The following GSTO1 variants were observed in gnomAD, a reference collection of about 807,000 sequenced individuals.
GSTO1 encodes the protein glutathione S-transferase omega-1.
GSTO1 carries 27 observed loss-of-function variants against 23.8 expected under a neutral mutation model. The ratio of observed to expected loss-of-function variants is 1.13; its 90% CI spans 0.83 to 1.56. The LOEUF (loss-of-function observed/expected upper bound fraction) is 1.56. Ranked by LOEUF, GSTO1 falls within the 40% of genes most tolerant of loss-of-function variation. GSTO1 has a pLI of 0.00. For missense variants in GSTO1, 255 were observed against 285.8 expected, an observed-to-expected ratio of 0.89 and a Z score of 0.78; for synonymous variants, 105 against 109.3, an observed-to-expected ratio of 0.96 and a Z score of 0.25.
At chr10:104,256,604 C>G (rs190478350) in intron 2 of GSTO1, among the ~76,000 whole-genome samples, 25 of 152,272 alleles carry the variant, frequency 1.6e-4, no homozygotes, top group Non-Finnish European at 1.5e-4. Flanking sequence ...CAGTTTTAAG[C>G]TTGAGCCCGA....
intron 5 of GSTO1, 62 bp downstream of exon 5, chr10:104,266,252 CT>C: frequency 1.1e-6 from 1 of 874,302 alleles, no homozygotes; most frequent in Non-Finnish European, 1.9e-6. Flanking sequence ...ATATATTGAC[CT>C]TTCTTTATAA....
At chr10:104,259,496 G>A in intron 2 of GSTO1, 80 bp from the exon 3 acceptor site, 1 of 849,300 alleles carries the variant, frequency 1.2e-6, no homozygotes. Context: ...TCAGCTAAGT[G>A]GATGGCAAAG....
chr10:104,261,423 C>T (rs1048775271), intron 3 of GSTO1, among the ~76,000 whole-genome samples: 4 of 152,150 alleles, frequency 2.6e-5, no homozygotes, highest in Non-Finnish European at 4.4e-5. Flanking sequence ...TACCCCACCC[C>T]ACACACCTGG....
chr10:104,257,399 G>C (rs905471215), intron 2 of GSTO1, among the ~76,000 whole-genome samples: 28 of 150,536 alleles, frequency 1.9e-4, no homozygotes, highest in Non-Finnish European at 4.4e-5. Flanking sequence ...GGAATGCAGT[G>C]GTGCAATCAT....
Position 104,255,247 on chromosome 10 carries a change from T to C in GSTO1, c.119T>C (p.Leu40Pro). 4 of 1,611,952 alleles carry C rather than the reference T, an allele frequency of 2.5e-6. No individual in the cohort carries two copies. Among genetic ancestry groups the C allele is most frequent in the Non-Finnish European group, 3.4e-6 (4 of 1,178,062 alleles). ...TGCCCGTTTGCTGAGAGGACGCGTCTAGTCCTGAAGGCCAAGGGAATCAGG... is the reference window on the plus strand; with the variant it reads ...TGCCCGTTTGCTGAGAGGACGCGTCCAGTCCTGAAGGCCAAGGGAATCAGG... Reference protein sequence around the residue: ...RFCPFAERTRLVLKAKGIRHE... With the variant: ...RFCPFAERTRPVLKAKGIRHE... The change falls in exon 2 of 6, where the codon CTA (leucine) becomes CCA (proline). Residue 40 changes from leucine (L) to proline (P), a missense_variant. Leu to Pro is a moderately conservative substitution (Grantham distance 98). Coordinates refer to ENST00000369713, the MANE Select transcript of GSTO1 (RefSeq NM_004832.3).
intron 2 of GSTO1, 123 bp downstream of exon 2, chr10:104,255,394 A>T (rs2091598359): frequency 1.1e-5 from 7 of 644,636 alleles, no homozygotes; most frequent in Non-Finnish European, 2.0e-5. Flanking sequence ...TGCACATTAA[A>T]CTATTCTCGG....
At chr10:104,265,919 G>A (rs1012252595) in intron 4 of GSTO1, among the ~76,000 whole-genome samples, 165 bp from the exon 5 acceptor site, 4 of 152,192 alleles carry the variant, frequency 2.6e-5, no homozygotes, top group South Asian at 4.1e-4. Context: ...CAGACCAACA[G>A]ATTCTAAAGC....
At position 104,255,177 on chromosome 10, in the gene GSTO1, GGGCC is replaced by G. The variant is rs2091596495; in HGVS notation, c.52_55del (p.Pro18SerfsTer11). The stretch of plus-strand genomic sequence containing the variant: ...CTCCCCGGCAGGAAGCGCGCCCCCG[GGGCC>G]GGTCCCGGAGGGCTCGATCCGCATC... On this transcript the variant is annotated frameshift_variant, in exon 2 of 6. Coordinates refer to ENST00000369713, the MANE Select transcript of GSTO1 (RefSeq NM_004832.3). LOFTEE classifies it high-confidence loss of function. The G allele has an allele frequency of 6.2e-7, 1 of 1,613,468 alleles. No individual in the cohort carries two copies. Among genetic ancestry groups the G allele is most frequent in the Non-Finnish European group, 8.5e-7 (1 of 1,179,638 alleles).
At chr10:104,255,975 G>C (rs543285672) in intron 2 of GSTO1, among the ~76,000 whole-genome samples, 246 of 152,284 alleles carry the variant, frequency 1.6e-3, no homozygotes, top group African/African-American at 5.7e-3. Context: ...CTGTTGATTA[G>C]ACATTTATTA....
intron 4 of GSTO1, among the ~76,000 whole-genome samples, chr10:104,263,792 C>T (rs554975965): frequency 1.3e-5 from 2 of 152,096 alleles, no homozygotes; most frequent in African/African-American, 4.8e-5. Flanking sequence ...TACTAGTTTG[C>T]TAATTTTTAA....
intron 3 of GSTO1, among the ~76,000 whole-genome samples, chr10:104,261,140 A>T (rs1355427013): frequency 1.3e-5 from 2 of 152,234 alleles, no homozygotes; most frequent in African/African-American, 4.8e-5. Flanking sequence ...AGAGGTAAAC[A>T]GGAACTGGAT....
intron 5 of GSTO1, among the ~76,000 whole-genome samples, chr10:104,266,661 C>T (rs373332592): frequency 9.0e-4 from 136 of 151,552 alleles, no homozygotes; most frequent in African/African-American, 3.1e-3. Flanking sequence ...CACTTGAACC[C>T]GGGAGGCAGT....
At chr10:104,256,850 A>C (rs2011103870) in intron 2 of GSTO1, among the ~76,000 whole-genome samples, 1 of 151,968 alleles carries the variant, frequency 6.6e-6, no homozygotes, top group South Asian at 2.1e-4. Flanking sequence ...TTTATAGTTC[A>C]AAAATGTTGA....
At chr10:104,263,908 T>C (rs999845561) in intron 4 of GSTO1, among the ~76,000 whole-genome samples, 4 of 149,568 alleles carry the variant, frequency 2.7e-5, no homozygotes, top group Admixed American at 6.6e-5. Context: ...TATGGTGCTA[T>C]TGACAAATTT....
intron 1 of GSTO1, 80 bp downstream of exon 1, chr10:104,255,042 C>A (rs901405667): frequency 1.4e-6 from 2 of 1,463,926 alleles, no homozygotes; most frequent in Non-Finnish European, 1.9e-6. Context: ...GGAGCCCAGC[C>A]GCCCGGGAGC....
chr10:104,265,092 C>G (rs2011168642), intron 4 of GSTO1, among the ~76,000 whole-genome samples: 2 of 152,194 alleles, frequency 1.3e-5, no homozygotes, highest in African/African-American at 4.8e-5. Flanking sequence ...CCATCATAAG[C>G]TGCAGACTGT....
rs1333660978 is a variant in GSTO1, at chr10:104,255,286, G to A, written c.143+15G>A. The A allele has an allele frequency of 7.1e-6, 11 of 1,558,634 alleles. No homozygotes were observed. Among genetic ancestry groups the A allele is most frequent in the Non-Finnish European group, 9.7e-6 (11 of 1,129,698 alleles). On this transcript the variant is annotated intron_variant, in intron 2 of 5. Coordinates refer to ENST00000369713, the MANE Select transcript of GSTO1 (RefSeq NM_004832.3). ...AAGGGAATCAGGTGGGCACCCAGGC[G>A]GGGGACGCTCCCCGAGCCGTCCGGG...
At chr10:104,255,092 G>A (rs1005641802) in intron 1 of GSTO1, 71 bp from the exon 2 acceptor site, 5 of 1,437,994 alleles carry the variant, frequency 3.5e-6, no homozygotes, top group Non-Finnish European at 4.8e-6. Context: ...GCAGTGGGAC[G>A]CGGGGGCGGT....
Position 104,259,805 on chromosome 10 carries a change from G to A in GSTO1, c.366+7G>A, listed in dbSNP as rs2011124317. 1 of 1,583,004 alleles carries A rather than the reference G, an allele frequency of 6.3e-7. No homozygotes were observed. The highest frequency in any genetic ancestry group is 1.7e-5 in the Admixed American group (1 of 58,628). On this transcript the variant is annotated splice_region_variant and intron_variant, in intron 3 of 5. Transcript: ENST00000369713. ...CTTAGAGTTGTTTTCTAAGGTTTGT[G>A]CATAAGAAATTTCAGCTCCTATTTG... is the stretch of plus-strand genomic sequence containing the variant.
Sources: gnomAD v4.1 joint callset for allele counts (sites outside exome capture counted in the v4.1 genomes callset) on GRCh38, gnomAD v4.1.1 for gene constraint, MANE v1.5 for transcripts, NCBI Gene and HGNC (gene_info 2026-07-23, HGNC 2026-07-21) for gene names.